Variants in STK11 observed in about 807,000 individuals in gnomAD.
STK11 encodes serine/threonine kinase 11.
STK11 carries 8 observed loss-of-function variants against 47.3 expected under a neutral mutation model. The ratio of observed to expected loss-of-function variants is 0.17; its 90% confidence interval spans 0.10 to 0.31. The LOEUF is 0.31. Ranked by LOEUF, STK11 falls within the 10% of genes least tolerant of loss-of-function variation. STK11 has a pLI of 1.00. For missense variants in STK11, 475 were observed against 605.0 expected, an observed-to-expected ratio of 0.79 and a Z score of 2.25; for synonymous variants, 330 against 255.8, an observed-to-expected ratio of 1.29 and a Z score of -2.77.
chr19:1,225,299 G>C, intron 8 of STK11: 1 of 982,482 alleles, frequency 1.0e-6, no homozygotes, highest in Non-Finnish European at 1.2e-6. Context: ...TGGAGACAGA[G>C]TCTTGCTCTG....
chr19:1,210,787 G>A (rs541582603), intron 1 of STK11, among the ~76,000 whole-genome samples: 32 of 152,048 alleles, frequency 2.1e-4, no homozygotes, highest in Admixed American at 3.3e-4. Flanking sequence ...ACTTGAACCC[G>A]GGAAGCAGAG....
chr19:1,223,400 A>G (rs1307643282), intron 8 of STK11, among the ~76,000 whole-genome samples: 1 of 152,228 alleles, frequency 6.6e-6, no homozygotes, highest in Non-Finnish European at 1.5e-5. Flanking sequence ...CTGTCTGGCC[A>G]GGAGGGTTCC....
chr19:1,223,304 C>G, intron 8 of STK11, 132 bp downstream of exon 8: 5 of 1,136,814 alleles, frequency 4.4e-6, no homozygotes, highest in Non-Finnish European at 3.7e-6. Context: ...CCCAAAGCCT[C>G]CAGCCCACCT....
At chr19:1,218,099 G>A (rs758408858) in intron 1 of STK11, among the ~76,000 whole-genome samples, 18 of 151,986 alleles carry the variant, frequency 1.2e-4, no homozygotes, top group Non-Finnish European at 1.3e-4. Flanking sequence ...AGCTGAGATC[G>A]GGCCACCGTG....
chr19:1,222,265 C>T (rs565851405), intron 7 of STK11, among the ~76,000 whole-genome samples: 49 of 152,318 alleles, frequency 3.2e-4, no homozygotes, highest in South Asian at 1.5e-3. Flanking sequence ...CATGGAGATG[C>T]GCCAGGAAGG....
chr19:1,218,703 C>A (rs1358162580), intron 2 of STK11, among the ~76,000 whole-genome samples: 5 of 152,194 alleles, frequency 3.3e-5, no homozygotes. Flanking sequence ...GCCCTGGCCC[C>A]TGTGTCTTGG....
intron 1 of STK11, among the ~76,000 whole-genome samples, chr19:1,216,834 CAA>C (rs71335349): frequency 2.4e-4 from 27 of 114,266 alleles, no homozygotes; most frequent in Admixed American, 3.6e-4. Flanking sequence ...AACCCTGTCT[CAA>C]AAAAAAAAAA....
intron 1 of STK11, among the ~76,000 whole-genome samples, chr19:1,212,629 G>A (rs537416974): frequency 2.0e-5 from 3 of 152,132 alleles, no homozygotes; most frequent in African/African-American, 2.4e-5. Context: ...GCTGTGGCAC[G>A]ATCTTGGCTC....
chr19:1,219,552 G>A lies in STK11; in HGVS notation c.464+139G>A, dbSNP rs1183993107. Reference sequence around the variant, plus strand: ...AGTTTTTTTGTTTTTTTGTTTTTTTGTGTTTTTTTTCGAGATGGAGTCTCA... The same window carrying A: ...AGTTTTTTTGTTTTTTTGTTTTTTTATGTTTTTTTTCGAGATGGAGTCTCA... On this transcript the variant is annotated intron_variant, in intron 3 of 9. Coordinates refer to ENST00000326873, the MANE Select transcript of STK11 (RefSeq NM_000455.5). 6 of 842,376 alleles carry A rather than the reference G, an allele frequency of 7.1e-6. No individual in the cohort carries two copies. In the East Asian group the frequency reaches 1.8e-4, roughly 25 times the overall value. 52.2% of individuals were successfully genotyped at this position (842,376 alleles called of 1,614,324 possible).
intron 1 of STK11, among the ~76,000 whole-genome samples, chr19:1,214,850 G>A (rs1568699601): frequency 1.3e-5 from 2 of 152,350 alleles, no homozygotes; most frequent in South Asian, 4.1e-4. Flanking sequence ...TTCCCTGCCG[G>A]TAGCCGGCTC....
chr19:1,222,075 C>T (rs927703497), intron 7 of STK11, 69 bp downstream of exon 7: 39 of 1,523,136 alleles, frequency 2.6e-5, no homozygotes, highest in Admixed American at 5.9e-5. Context: ...GCTGGTTGAG[C>T]GGGCGCTAGA....
rs1435884031 is a variant in STK11 at position 1,219,637 on chromosome 19, C to T, written c.464+224C>T. On this transcript the variant is annotated intron_variant, in intron 3 of 9. Transcript: ENST00000326873. Reference sequence around the variant, plus strand: ...CTCGGCTCACTGCAAGCTCCGCCTCCGAGGTTCACGCCATTCTTCTGCCTC... The same window carrying T: ...CTCGGCTCACTGCAAGCTCCGCCTCTGAGGTTCACGCCATTCTTCTGCCTC... 7.9e-5 allele frequency among the ~76,000 whole-genome samples: 12 copies of T among 152,214 alleles called. 1 individual carries two copies. In the South Asian group the frequency reaches 1.5e-3, roughly 18 times the overall value.
intron 1 of STK11, among the ~76,000 whole-genome samples, chr19:1,211,616 C>T (rs1471980560): frequency 1.3e-5 from 2 of 152,224 alleles, no homozygotes; most frequent in Non-Finnish European, 2.9e-5. Flanking sequence ...TGTCCCACGG[C>T]CCTGCCCTTT....
chr19:1,212,990 CTTT>C (rs35169539), intron 1 of STK11, among the ~76,000 whole-genome samples: 3 of 94,794 alleles, frequency 3.2e-5, no homozygotes, highest in Non-Finnish European at 6.3e-5. Context: ...TAAAGTTCAC[CTTT>C]TTTTTTTTTT....
chr19:1,220,519 A>AGG lies in STK11; in HGVS notation c.597+20_597+21dup, dbSNP rs534445875. ...GGCGTGGCCGAGGTAGGCACGTGCT[A>AGG]GGGGGGGCCCTGGGGCGCCCCCTCC... is the stretch of plus-strand genomic sequence containing the variant. On this transcript the variant is annotated intron_variant, in intron 4 of 9. Coordinates refer to ENST00000326873, the MANE Select transcript of STK11 (RefSeq NM_000455.5). 8.2e-6 allele frequency: 13 copies of AGG among 1,593,388 alleles called. No homozygotes were observed. In the East Asian group the frequency reaches 2.9e-4, roughly 36 times the overall value.
At chr19:1,223,669 A>G (rs2080801662) in intron 8 of STK11, 3 of 1,053,674 alleles carry the variant, frequency 2.8e-6, no homozygotes, top group Non-Finnish European at 3.4e-6. Flanking sequence ...CAGGGCTTAG[A>G]GCGGAGCGCG....
chr19:1,207,057 G>C lies in STK11; in HGVS notation c.144G>C (p.Lys48Asn). The change falls in exon 1 of 10, where the codon AAG becomes AAC. Residue 48 changes from lysine (K) to asparagine (N), a missense_variant. Lys to Asn is a moderately conservative substitution (Grantham distance 94). Around this residue, in one of 5 missense-constraint regions of STK11, gnomAD observed 47 missense variants for 103.7 expected, o/e 0.45. Coordinates refer to ENST00000326873, the MANE Select transcript of STK11 (RefSeq NM_000455.5). ...PRRKRAKLIG[K>N]YLMGDLLGEG... ...GCAAGCGGGCCAAGCTCATCGGCAA[G>C]TACCTGATGGGGGACCTGCTGGGGG... 1 of 1,613,952 alleles carries C rather than the reference G, an allele frequency of 6.2e-7. No homozygotes were observed. Among genetic ancestry groups the C allele is most frequent in the Non-Finnish European group, 8.5e-7 (1 of 1,179,888 alleles).
Position 1,218,452 on chromosome 19 carries a change from A to G in STK11, c.326A>G (p.Asn109Ser). 1 of 1,613,668 alleles carries G rather than the reference A, an allele frequency of 6.2e-7. No homozygotes were observed. The highest frequency in any genetic ancestry group is 8.5e-7 in the Non-Finnish European group (1 of 1,179,798). The change falls in exon 2 of 10, where the codon AAT (asparagine) becomes AGT (serine). Residue 109 changes from asparagine (N) to serine (S), a missense_variant. This residue lies in a region of STK11 where 46 missense variants were observed against 45.5 expected (regional missense o/e 1.01). Transcript: ENST00000326873. ...CTACTGAGGAGGTTACGGCACAAAA[A>G]TGTCATCCAGCTGGTGGATGTGTTA... is the stretch of plus-strand genomic sequence containing the variant. ...IQLLRRLRHK[N>S]VIQLVDVLYN...
intron 1 of STK11, among the ~76,000 whole-genome samples, chr19:1,214,870 G>A (rs2080734995): frequency 6.6e-6 from 1 of 152,246 alleles, no homozygotes; most frequent in South Asian, 2.1e-4. Flanking sequence ...CCTGCTGAGG[G>A]AGGGGGTGCT....
Sources: gnomAD v4.1 joint callset for allele counts (sites outside exome capture counted in the v4.1 genomes callset) on GRCh38, gnomAD v4.1.1 for gene constraint, gnomAD v4.1.1 regional missense constraint, MANE v1.5 for transcripts, NCBI Gene and HGNC (gene_info 2026-07-23, HGNC 2026-07-21) for gene names.